Variants in RALYL observed in about 807,000 individuals in gnomAD.
The protein encoded by RALYL is RNA-binding Raly-like protein.
RALYL carries 29 observed loss-of-function variants against 35.1 expected under a neutral mutation model. That is an observed-to-expected ratio of 0.83 (90% CI 0.61 to 1.13). The LOEUF is 1.13. RALYL is among the 50% of genes most tolerant of loss of function. The pLI, the probability that RALYL is intolerant of heterozygous loss-of-function variation, is 0.00. For synonymous variants in RALYL, 120 were observed against 127.6 expected (o/e 0.94, Z 0.40); for missense variants, 359 against 360.4 (o/e 1.00, Z 0.03).
At chr8:84,379,670 A>T (rs1857565053) in intron 1 of RALYL, among the ~76,000 whole-genome samples, 1 of 151,838 alleles carries the variant, frequency 6.6e-6, no homozygotes, top group Non-Finnish European at 1.5e-5. Flanking sequence ...AACAAAAAAC[A>T]AAAACAAAAA....
chr8:84,699,780 T>C (rs1589085121), intron 2 of RALYL, among the ~76,000 whole-genome samples: 1 of 152,308 alleles, frequency 6.6e-6, no homozygotes, highest in Middle Eastern at 3.4e-3. Flanking sequence ...CAGATGATAG[T>C]ACCTTTTATG....
At chr8:84,839,755 T>G (rs1427898183) in intron 4 of RALYL, among the ~76,000 whole-genome samples, 1 of 152,182 alleles carries the variant, frequency 6.6e-6, no homozygotes, top group Non-Finnish European at 1.5e-5. Flanking sequence ...GGCCAGGTAC[T>G]CCTCTGAGAC....
At chr8:84,809,243 G>A (rs1175856479) in intron 4 of RALYL, among the ~76,000 whole-genome samples, 1 of 152,124 alleles carries the variant, frequency 6.6e-6, no homozygotes, top group Non-Finnish European at 1.5e-5. Flanking sequence ...AGGTTATCAT[G>A]TGATTTTTAT....
At chr8:84,876,152 C>A (rs1841100722) in intron 7 of RALYL, among the ~76,000 whole-genome samples, 4 of 152,140 alleles carry the variant, frequency 2.6e-5, no homozygotes, top group Admixed American at 6.6e-5. Context: ...TTCCTCAGAA[C>A]AAGATCATGT....
chr8:84,710,333 C>T (rs1194696608), intron 2 of RALYL, among the ~76,000 whole-genome samples: 1 of 152,062 alleles, frequency 6.6e-6, no homozygotes, highest in Non-Finnish European at 1.5e-5. Flanking sequence ...GAGCCTCACT[C>T]TGTCACCAAG....
At chr8:84,437,875 G>T (rs2047910635) in intron 1 of RALYL, among the ~76,000 whole-genome samples, 2 of 152,012 alleles carry the variant, frequency 1.3e-5, no homozygotes, top group Non-Finnish European at 2.9e-5. Flanking sequence ...GTTTCCAGAG[G>T]CCTCCCTAGA....
intron 2 of RALYL, among the ~76,000 whole-genome samples, chr8:84,577,482 AG>A (rs1809746308): frequency 6.6e-6 from 1 of 152,228 alleles, no homozygotes; most frequent in Non-Finnish European, 1.5e-5. Flanking sequence ...AGTGATAGAA[AG>A]GCTAAAATAT....
chr8:84,565,520 A>G (rs989098592), intron 2 of RALYL, among the ~76,000 whole-genome samples: 3 of 151,598 alleles, frequency 2.0e-5, no homozygotes, highest in African/African-American at 7.2e-5. Flanking sequence ...AGTATTATGC[A>G]TTGTAAGGGA....
chr8:84,763,607 CT>C (rs1463012873), intron 2 of RALYL, among the ~76,000 whole-genome samples: 1 of 152,070 alleles, frequency 6.6e-6, no homozygotes, highest in Non-Finnish European at 1.5e-5. Flanking sequence ...TCTGGATTTT[CT>C]TCTATTCATT....
At chr8:84,829,913 T>G (rs976729981) in intron 4 of RALYL, among the ~76,000 whole-genome samples, 5 of 149,260 alleles carry the variant, frequency 3.3e-5, no homozygotes, top group Non-Finnish European at 6.0e-5. Context: ...TTCATTAACA[T>G]CGAACTCACA....
At chr8:84,760,510 G>A (rs1812435260) in intron 2 of RALYL, among the ~76,000 whole-genome samples, 1 of 151,964 alleles carries the variant, frequency 6.6e-6, no homozygotes, top group South Asian at 2.1e-4. Context: ...GAGACGAAAA[G>A]AAAATATCAG....
At chr8:84,232,087 A>G (rs545903288) in intron 1 of RALYL, among the ~76,000 whole-genome samples, 2 of 152,336 alleles carry the variant, frequency 1.3e-5, no homozygotes, top group African/African-American at 4.8e-5. Context: ...CTTTACACCA[A>G]TATAAATTTC....
intron 2 of RALYL, among the ~76,000 whole-genome samples, chr8:84,681,166 T>C (rs1029321544): frequency 6.6e-6 from 1 of 152,334 alleles, no homozygotes; most frequent in Non-Finnish European, 1.5e-5. Context: ...GTTGTAGATA[T>C]GTGGCATTAT....
At chr8:84,319,195 A>G (rs1331066900) in intron 1 of RALYL, among the ~76,000 whole-genome samples, 1 of 152,196 alleles carries the variant, frequency 6.6e-6, no homozygotes, top group Non-Finnish European at 1.5e-5. Context: ...TTCAATAGTC[A>G]TAGAATAAAT....
At chr8:84,356,604 G>A (rs1851883920) in intron 1 of RALYL, among the ~76,000 whole-genome samples, 2 of 150,030 alleles carry the variant, frequency 1.3e-5, no homozygotes, top group African/African-American at 5.0e-5. Flanking sequence ...TTCATTTATA[G>A]GTCTACCCAG....
chr8:84,745,090 T>TAC (rs1808302959), intron 2 of RALYL, among the ~76,000 whole-genome samples: 1 of 150,378 alleles, frequency 6.6e-6, no homozygotes, highest in African/African-American at 2.4e-5. Context: ...CACACAGACA[T>TAC]ACACACACAT....
At chr8:84,503,755 A>G (rs956292656) in intron 1 of RALYL, among the ~76,000 whole-genome samples, 1 of 150,566 alleles carries the variant, frequency 6.6e-6, no homozygotes. Flanking sequence ...AGGCTGAGGC[A>G]GGAGAATCGG....
intron 2 of RALYL, among the ~76,000 whole-genome samples, chr8:84,646,334 A>G (rs568681535): frequency 2.0e-5 from 3 of 151,782 alleles, no homozygotes; most frequent in East Asian, 1.9e-4. Flanking sequence ...CTTGGGTTCA[A>G]TTGATTCTCA....
At chr8:84,617,851 C>T (rs1330440658) in intron 2 of RALYL, among the ~76,000 whole-genome samples, 1 of 151,730 alleles carries the variant, frequency 6.6e-6, no homozygotes, top group Non-Finnish European at 1.5e-5. Context: ...TTGAGATAAT[C>T]ATGTGGTTTT....
Sources: gnomAD v4.1 joint callset for allele counts (sites outside exome capture counted in the v4.1 genomes callset) on GRCh38, gnomAD v4.1.1 for gene constraint, MANE v1.5 for transcripts, NCBI Gene and HGNC (gene_info 2026-07-23, HGNC 2026-07-21) for gene names.